The following PLEKHG7 variants were observed in gnomAD, a reference collection of about 807,000 sequenced individuals.
PLEKHG7 encodes the protein pleckstrin homology domain-containing family G member 7.
PLEKHG7 carries 77 observed loss-of-function variants against 85.2 expected under a neutral mutation model. The observed-to-expected ratio is 0.90, with a 90% CI of 0.75 to 1.09. The LOEUF (loss-of-function observed/expected upper bound fraction) is 1.09. Among genes scored for constraint, PLEKHG7 ranks in the 50% least tolerant of loss-of-function variants. The probability of loss-of-function intolerance (pLI) is 0.00; values close to 1 mark genes in which losing one functional copy is unlikely to be tolerated. For missense variants in PLEKHG7, 777 were observed against 804.3 expected (o/e 0.97, Z 0.41); for synonymous variants, 301 against 302.4 (o/e 1.00, Z 0.05).
intron 3 of PLEKHG7, among the ~76,000 whole-genome samples, chr12:92,718,295 C>A (rs148841457): frequency 1.3e-5 from 2 of 152,198 alleles, no homozygotes; most frequent in Admixed American, 6.5e-5. Flanking sequence ...AGGGGAACCA[C>A]GTGCCACTCT....
intron 3 of PLEKHG7, among the ~76,000 whole-genome samples, chr12:92,719,464 C>T (rs1051801979): frequency 3.9e-5 from 6 of 152,146 alleles, no homozygotes; most frequent in East Asian, 3.8e-4. Context: ...ACTCTTACTA[C>T]CAGACAAGGA....
intron 9 of PLEKHG7, among the ~76,000 whole-genome samples, chr12:92,744,704 C>T (rs776091116): frequency 1.3e-5 from 2 of 149,552 alleles, no homozygotes; most frequent in Non-Finnish European, 3.0e-5. Context: ...CTCCCTCTGT[C>T]ACTCAGGCTG....
intron 3 of PLEKHG7, chr12:92,721,367 G>A (rs1183015028): frequency 4.0e-6 from 4 of 988,018 alleles, no homozygotes; most frequent in Non-Finnish European, 3.9e-6. Flanking sequence ...GGGATGCTCT[G>A]AATTGTTGCT....
chr12:92,724,980 TA>T (rs955192033), intron 3 of PLEKHG7, among the ~76,000 whole-genome samples: 32 of 146,346 alleles, frequency 2.2e-4, no homozygotes, highest in East Asian at 9.9e-4. Context: ...GTTTCCTGAT[TA>T]AAAAAAAAAA....
chr12:92,761,608 AAAG>A (rs1872998414), intron 13 of PLEKHG7, 141 bp from the exon 14 acceptor site: 1 of 1,007,152 alleles, frequency 9.9e-7, no homozygotes, highest in Non-Finnish European at 1.3e-6. Context: ...AAAGAAAGAA[AAAG>A]AAAGAAAGAA....
At chr12:92,727,925 A>T (rs1410618217) in intron 3 of PLEKHG7, among the ~76,000 whole-genome samples, 1 of 97,246 alleles carries the variant, frequency 1.0e-5, no homozygotes, top group Admixed American at 1.2e-4. Context: ...ATGGTATTCT[A>T]TGGTGTGTGT....
intron 3 of PLEKHG7, among the ~76,000 whole-genome samples, chr12:92,716,106 G>A (rs1037427965): frequency 5.3e-5 from 8 of 149,656 alleles, no homozygotes; most frequent in African/African-American, 2.0e-4. Context: ...GTTTTGTTTT[G>A]TTTTTTTTGA....
chr12:92,727,257 A>G (rs1253605381), intron 3 of PLEKHG7, among the ~76,000 whole-genome samples: 1 of 152,186 alleles, frequency 6.6e-6, no homozygotes, highest in Admixed American at 6.5e-5. Flanking sequence ...CTCTCCTTGC[A>G]TCTTTTTAAA....
intron 7 of PLEKHG7, among the ~76,000 whole-genome samples, chr12:92,737,891 T>A (rs900693436): frequency 6.6e-6 from 1 of 152,214 alleles, no homozygotes; most frequent in Non-Finnish European, 1.5e-5. Flanking sequence ...CTTTATACTT[T>A]AACATTGGAT....
intron 3 of PLEKHG7, among the ~76,000 whole-genome samples, chr12:92,724,719 T>C (rs1284144105): frequency 1.3e-5 from 2 of 152,194 alleles, no homozygotes; most frequent in Non-Finnish European, 2.9e-5. Context: ...AGAAGCTAGC[T>C]AAGTCTGTCC....
At chr12:92,735,699 G>C (rs187510212) in intron 5 of PLEKHG7, among the ~76,000 whole-genome samples, 1 of 152,148 alleles carries the variant, frequency 6.6e-6, no homozygotes, top group Admixed American at 6.6e-5. Flanking sequence ...GAACTAAAAA[G>C]AAAATGTTCA....
chr12:92,737,203 T>C (rs1872182213), intron 6 of PLEKHG7, among the ~76,000 whole-genome samples, 175 bp from the exon 7 acceptor site: 1 of 152,138 alleles, frequency 6.6e-6, no homozygotes, highest in Non-Finnish European at 1.5e-5. Flanking sequence ...AGAGAGAAGC[T>C]GTGGCTTGGG....
intron 13 of PLEKHG7, among the ~76,000 whole-genome samples, chr12:92,758,635 A>C (rs1009340561): frequency 6.6e-6 from 1 of 152,248 alleles, no homozygotes; most frequent in African/African-American, 2.4e-5. Flanking sequence ...TTTTCCAGAA[A>C]ATGCTTCTTG....
intron 5 of PLEKHG7, among the ~76,000 whole-genome samples, chr12:92,732,872 T>A (rs1293790522): frequency 6.6e-6 from 1 of 152,126 alleles, no homozygotes; most frequent in East Asian, 1.9e-4. Flanking sequence ...GGAGGGAATG[T>A]TCATGATGAC....
intron 7 of PLEKHG7, among the ~76,000 whole-genome samples, chr12:92,737,739 G>A (rs59014871): frequency 3.2e-5 from 4 of 126,556 alleles, no homozygotes; most frequent in Middle Eastern, 4.0e-3. Flanking sequence ...GAGGGAGGAA[G>A]GGAGGGAGGG....
intron 3 of PLEKHG7, among the ~76,000 whole-genome samples, chr12:92,727,320 G>A (rs975035320): frequency 1.3e-4 from 20 of 152,092 alleles, no homozygotes; most frequent in African/African-American, 4.6e-4. Flanking sequence ...CGGGTATATT[G>A]CATCATGGAG....
intron 9 of PLEKHG7, among the ~76,000 whole-genome samples, chr12:92,742,268 C>T (rs567999251): frequency 6.6e-6 from 1 of 152,082 alleles, no homozygotes; most frequent in South Asian, 2.1e-4. Flanking sequence ...TAAACAAGCG[C>T]CTTGCTTTTA....
intron 10 of PLEKHG7, among the ~76,000 whole-genome samples, chr12:92,750,858 G>A (rs542073403): frequency 6.6e-6 from 1 of 152,210 alleles, no homozygotes; most frequent in South Asian, 2.1e-4. Flanking sequence ...GAGCCATCTA[G>A]CCACACTGGA....
At position 92,707,438 on chromosome 12, in the gene PLEKHG7, G is replaced by A. The variant is rs888588964; in HGVS notation, c.508-212G>A. On this transcript the variant is annotated intron_variant, in intron 2 of 16. Transcript: ENST00000344636. ...TGTCAGGTACCCGAGAGCAATGGGG[G>A]CCCTCTTGCAAATGCACACTATTTA... is the stretch of plus-strand genomic sequence containing the variant. 17 of 1,431,718 alleles carry A rather than the reference G, an allele frequency of 1.2e-5. No homozygotes were observed. In the African/African-American group the frequency reaches 1.6e-4, roughly 13 times the overall value. The allele number at this position is 1,431,718 out of a possible 1,614,324, so 88.7% of individuals were successfully genotyped here.
Sources: allele counts gnomAD v4.1 joint callset (sites outside exome capture counted in the v4.1 genomes callset), GRCh38; gene constraint gnomAD v4.1.1; transcripts MANE v1.5; gene names NCBI Gene and HGNC (gene_info 2026-07-23, HGNC 2026-07-21).